The following CNTLN variants were observed in gnomAD, a reference collection of about 807,000 sequenced individuals.
The protein encoded by CNTLN is centlein, centrosomal protein.
CNTLN carries 212 observed loss-of-function variants against 180.0 expected under a neutral mutation model. The observed-to-expected ratio is 1.18, with a 90% confidence interval of 1.05 to 1.32. The LOEUF (loss-of-function observed/expected upper bound fraction) is 1.32. Among genes scored for constraint, CNTLN ranks in the 40% most tolerant of loss-of-function variants. The pLI, the probability that CNTLN is intolerant of heterozygous loss-of-function variation, is 0.00. For synonymous variants in CNTLN, 722 were observed against 563.1 expected (o/e 1.28, Z -3.99); for missense variants, 2,095 against 1,610.9 (o/e 1.30, Z -5.14).
At chr9:17,276,343 G>A (rs1354417166) in intron 6 of CNTLN, among the ~76,000 whole-genome samples, 1 of 152,008 alleles carries the variant, frequency 6.6e-6, no homozygotes, top group Non-Finnish European at 1.5e-5. Flanking sequence ...CTGGGAGAGG[G>A]TGGTTATGAT....
At chr9:17,484,546 ATT>A in intron 24 of CNTLN, 66 bp downstream of exon 24, 1 of 1,269,880 alleles carries the variant, frequency 7.9e-7, no homozygotes, top group Non-Finnish European at 1.1e-6. Context: ...AGATATTTTT[ATT>A]TGTTTTATAC....
intron 19 of CNTLN, 77 bp downstream of exon 19, chr9:17,457,792 T>C (rs1032838728): frequency 3.4e-6 from 3 of 888,140 alleles, no homozygotes; most frequent in Admixed American, 4.0e-5. Flanking sequence ...TGAACACTAA[T>C]TTATTCTAAT....
At chr9:17,186,124 G>A (rs568228503) in intron 2 of CNTLN, among the ~76,000 whole-genome samples, 10 of 152,202 alleles carry the variant, frequency 6.6e-5, no homozygotes, top group African/African-American at 2.4e-4. Flanking sequence ...ATAAGCTGAG[G>A]ATAATTTATT....
At chr9:17,464,712 A>G (rs1012781054) in intron 21 of CNTLN, 89 bp downstream of exon 21, 12 of 794,110 alleles carry the variant, frequency 1.5e-5, no homozygotes, top group Non-Finnish European at 1.2e-5. Flanking sequence ...TAATAAATGT[A>G]TAGAAAATAT....
chr9:17,309,122 G>C lies in CNTLN; in HGVS notation c.1211G>C (p.Ser404Thr), dbSNP rs190047946. The change falls in exon 8 of 26, where the codon AGT becomes ACT. Residue 404 changes from serine (S) to threonine (T), a missense_variant. Transcript: ENST00000380647. ...TCAAATGAAGCTATGCTCCGGCAAA[G>C]TGTTACTAATCTTCAGGATCAGCTA... Reference protein sequence around the residue: ...TKSNEAMLRQSVTNLQDQLLQ... With the variant: ...TKSNEAMLRQTVTNLQDQLLQ... 6.2e-7 allele frequency: 1 copy of C among 1,609,972 alleles called. No homozygotes were observed. Among genetic ancestry groups the C allele is most frequent in the Non-Finnish European group, 8.5e-7 (1 of 1,178,112 alleles).
intron 19 of CNTLN, among the ~76,000 whole-genome samples, chr9:17,458,166 C>A (rs750648760): frequency 4.0e-5 from 6 of 149,862 alleles, no homozygotes; most frequent in Non-Finnish European, 7.4e-5. Context: ...TGTCTCCAAC[C>A]AACAACCAAC....
chr9:17,247,524 T>C (rs1262054140), intron 5 of CNTLN, among the ~76,000 whole-genome samples: 2 of 152,194 alleles, frequency 1.3e-5, no homozygotes, highest in African/African-American at 4.8e-5. Flanking sequence ...GGGTTGTGTG[T>C]GTTACTTGAG....
At chr9:17,509,279 T>A in the CNTLN span, among the ~76,000 whole-genome samples, 1 of 152,196 alleles carries the variant, frequency 6.6e-6, no homozygotes, top group Non-Finnish European at 1.5e-5. Flanking sequence ...GCCAGCTACC[T>A]GGTGGCATGT....
intron 2 of CNTLN, among the ~76,000 whole-genome samples, chr9:17,209,284 T>A (rs994438311): frequency 6.6e-6 from 1 of 152,222 alleles, no homozygotes; most frequent in Non-Finnish European, 1.5e-5. Flanking sequence ...AGAAGATACT[T>A]GATATAATTT....
intron 2 of CNTLN, among the ~76,000 whole-genome samples, chr9:17,203,758 C>T (rs915738695): frequency 3.3e-5 from 5 of 152,148 alleles, no homozygotes; most frequent in African/African-American, 1.2e-4. Flanking sequence ...GGGGTTTCAC[C>T]ACGTTAGCCA....
chr9:17,326,986 C>T (rs1283700318), intron 8 of CNTLN, among the ~76,000 whole-genome samples: 1 of 152,022 alleles, frequency 6.6e-6, no homozygotes, highest in Non-Finnish European at 1.5e-5. Context: ...AGACTATGTC[C>T]TTCAGTTACT....
chr9:17,136,921 GAC>G (rs915867002), intron 1 of CNTLN, among the ~76,000 whole-genome samples: 56 of 151,978 alleles, frequency 3.7e-4, no homozygotes, highest in Middle Eastern at 6.8e-3. Context: ...CCTAATCTAA[GAC>G]ACTCTTTGGC....
Position 17,502,834 on chromosome 9 carries a change from C to A in CNTLN, c.*182C>A. ...AAGTGAAACTAATTAAGTACATAGC[C>A]ATTTAAAAGGAAATAGTGTAGCATC... On this transcript the variant is annotated 3_prime_UTR_variant, in exon 26 of 26. Transcript: ENST00000380647. 1 of 335,896 alleles carries A rather than the reference C, an allele frequency of 3.0e-6. No individual in the cohort carries two copies. The allele number at this position is 335,896 out of a possible 1,614,324, so 20.8% of individuals were successfully genotyped here.
chr9:17,418,501 G>GT (rs1220306420), intron 18 of CNTLN, among the ~76,000 whole-genome samples: 3 of 151,966 alleles, frequency 2.0e-5, no homozygotes, highest in African/African-American at 7.2e-5. Context: ...AATTTTTCAG[G>GT]TTACCAACTT....
the CNTLN span, among the ~76,000 whole-genome samples, chr9:17,517,958 G>T: frequency 6.7e-6 from 1 of 150,094 alleles, no homozygotes; most frequent in Non-Finnish European, 1.5e-5. Flanking sequence ...CACCCCCCAA[G>T]GAGCCTCTTT....
At chr9:17,396,264 C>A (rs796709971) in intron 15 of CNTLN, among the ~76,000 whole-genome samples, 6 of 152,246 alleles carry the variant, frequency 3.9e-5, no homozygotes, top group African/African-American at 1.4e-4. Context: ...CTTAAAAAAC[C>A]TGCTTTCACT....
Position 17,394,765 on chromosome 9 carries a change from G to C in CNTLN, c.2311G>C (p.Val771Leu). 1 of 1,613,972 alleles carries C rather than the reference G, an allele frequency of 6.2e-7. No homozygotes were observed. The highest frequency in any genetic ancestry group is 8.5e-7 in the Non-Finnish European group (1 of 1,179,966). ...AAAAATCAGTGAGCTGGAGACAGAA[G>C]TCACTTCCCTGAGGAGACAAGTGGC... ...QVKISELETE[V>L]TSLRRQVAEA... is the part of the protein sequence containing the mutation. The change falls in exon 15 of 26, where the codon GTC becomes CTC. Residue 771 changes from valine (V) to leucine (L), a missense_variant. Val to Leu is a conservative substitution (Grantham distance 32, BLOSUM62 1). Coordinates refer to ENST00000380647, the MANE Select transcript of CNTLN (RefSeq NM_017738.4).
intron 6 of CNTLN, among the ~76,000 whole-genome samples, chr9:17,291,687 G>A (rs1051158241): frequency 2.0e-5 from 3 of 152,022 alleles, no homozygotes; most frequent in South Asian, 2.1e-4. Flanking sequence ...TTTATTTTGA[G>A]CCTATGTGTG....
At chr9:17,296,293 C>T (rs972597144) in intron 6 of CNTLN, among the ~76,000 whole-genome samples, 1 of 152,074 alleles carries the variant, frequency 6.6e-6, no homozygotes, top group South Asian at 2.1e-4. Flanking sequence ...GCTGGGATTA[C>T]AGGTGTGAGC....
Sources: allele counts gnomAD v4.1 joint callset (sites outside exome capture counted in the v4.1 genomes callset), GRCh38; gene constraint gnomAD v4.1.1; transcripts MANE v1.5; gene names NCBI Gene and HGNC (gene_info 2026-07-23, HGNC 2026-07-21).